PREX2: variants seen among roughly 807,000 people sequenced by gnomAD.
The protein encoded by PREX2 is phosphatidylinositol-3,4,5-trisphosphate dependent Rac exchange factor 2.
In PREX2, 107 loss-of-function variants were observed where a neutral mutation model predicts 203.2. That is an observed-to-expected ratio of 0.53 (90% confidence interval 0.45 to 0.62). The LOEUF (loss-of-function observed/expected upper bound fraction) is 0.62. Ranked by LOEUF, PREX2 falls within the 20% of genes least tolerant of loss-of-function variation. PREX2 has a pLI of 0.00. For missense variants in PREX2, 1,777 were observed against 1,955.9 expected (o/e 0.91, Z 1.72); for synonymous variants, 672 against 663.6 (o/e 1.01, Z -0.19).
At chr8:68,025,394 A>G (rs184098118) in intron 4 of PREX2, among the ~76,000 whole-genome samples, 1 of 151,836 alleles carries the variant, frequency 6.6e-6, no homozygotes, top group Non-Finnish European at 1.5e-5. Flanking sequence ...GTTATACTTT[A>G]TATGATGGGT....
chr8:68,228,765 C>CTAAATAAATAAATAAA (rs59480721), intron 39 of PREX2, among the ~76,000 whole-genome samples: 1 of 140,604 alleles, frequency 7.1e-6, no homozygotes, highest in Admixed American at 7.2e-5. Flanking sequence ...GACTCCGTCT[C>CTAAATAAATAAATAAA]TAAATAAATA....
intron 15 of PREX2, among the ~76,000 whole-genome samples, chr8:68,078,376 T>C (rs1266135898): frequency 6.6e-6 from 1 of 152,188 alleles, no homozygotes; most frequent in East Asian, 1.9e-4. Context: ...CAAGCTAGGC[T>C]GATCTCGAAC....
chr8:68,052,553 A>T (rs1300641578), intron 8 of PREX2, among the ~76,000 whole-genome samples: 2 of 152,210 alleles, frequency 1.3e-5, no homozygotes, highest in African/African-American at 4.8e-5. Flanking sequence ...ATCTACGATG[A>T]TAATGCTTTG....
intron 31 of PREX2, among the ~76,000 whole-genome samples, chr8:68,131,668 A>T (rs918413760): frequency 6.6e-6 from 1 of 152,222 alleles, no homozygotes; most frequent in Non-Finnish European, 1.5e-5. Flanking sequence ...AGCAGAGTAT[A>T]GAATAAACAT....
intron 1 of PREX2, among the ~76,000 whole-genome samples, chr8:67,972,275 A>G (rs1805947715): frequency 6.6e-6 from 1 of 152,228 alleles, no homozygotes; most frequent in African/African-American, 2.4e-5. Context: ...TTACCTCTAC[A>G]TATGAGTAAG....
At chr8:68,099,912 A>G (rs750164627) in intron 23 of PREX2, 69 bp downstream of exon 23, 3 of 1,302,526 alleles carry the variant, frequency 2.3e-6, no homozygotes. Context: ...ATTTAAATCA[A>G]TTTTTGATAT....
chr8:68,228,658 C>T (rs1015102723), intron 39 of PREX2, among the ~76,000 whole-genome samples: 1 of 151,766 alleles, frequency 6.6e-6, no homozygotes, highest in African/African-American at 2.4e-5. Flanking sequence ...CCCAGCTACT[C>T]GGGAGGCTGA....
At chr8:67,981,267 G>A (rs1227167282) in intron 1 of PREX2, among the ~76,000 whole-genome samples, 1 of 152,130 alleles carries the variant, frequency 6.6e-6, no homozygotes, top group African/African-American at 2.4e-5. Flanking sequence ...TGATAGCACT[G>A]CTCCACACTC....
At chr8:68,207,041 GTTC>G (rs1485311328) in intron 37 of PREX2, among the ~76,000 whole-genome samples, 1 of 152,120 alleles carries the variant, frequency 6.6e-6, no homozygotes, top group African/African-American at 2.4e-5. Context: ...TTTCAAAAAT[GTTC>G]TTCTGGCTTA....
chr8:67,993,483 C>T (rs1028077411), intron 1 of PREX2, among the ~76,000 whole-genome samples: 13 of 151,226 alleles, frequency 8.6e-5, no homozygotes, highest in Non-Finnish European at 1.8e-4. Flanking sequence ...GTCAGCTCAC[C>T]ACAACCTCCG....
At chr8:68,222,657 A>G (rs908320839) in intron 38 of PREX2, among the ~76,000 whole-genome samples, 5 of 138,126 alleles carry the variant, frequency 3.6e-5, no homozygotes, top group Non-Finnish European at 8.1e-5. Context: ...TTGAAGAGAA[A>G]CAGGATATTG....
chr8:68,024,974 T>C (rs1025426396), intron 4 of PREX2, among the ~76,000 whole-genome samples: 10 of 152,006 alleles, frequency 6.6e-5, no homozygotes, highest in Non-Finnish European at 1.3e-4. Flanking sequence ...TGTGCTATTA[T>C]TGCCATATAT....
chr8:68,112,377 G>C (rs11993216), intron 25 of PREX2, among the ~76,000 whole-genome samples: 1 of 152,252 alleles, frequency 6.6e-6, no homozygotes, highest in Non-Finnish European at 1.5e-5. Context: ...AAGGGGACTG[G>C]TAGACATAGG....
intron 6 of PREX2, among the ~76,000 whole-genome samples, chr8:68,037,582 G>C (rs754541016): frequency 2.0e-5 from 3 of 152,124 alleles, no homozygotes; most frequent in Non-Finnish European, 2.9e-5. Flanking sequence ...TGATGGGCAT[G>C]CTATAAACAC....
chr8:68,164,563 T>C (rs1563571578), intron 35 of PREX2, among the ~76,000 whole-genome samples: 1 of 150,004 alleles, frequency 6.7e-6, no homozygotes, highest in Non-Finnish European at 1.5e-5. Flanking sequence ...CTGGCTTTTT[T>C]TTCTTTCTTT....
intron 34 of PREX2, among the ~76,000 whole-genome samples, chr8:68,152,289 G>GAAAAAAAAAAAAAAAAA (rs573525316): frequency 1.4e-5 from 1 of 72,920 alleles, no homozygotes; most frequent in Non-Finnish European, 2.4e-5. Context: ...CCCTCTCAGA[G>GAAAAAAAAAAAAAAAAA]AAAAAAAAAA....
At chr8:68,073,990 C>T (rs374135865) in intron 14 of PREX2, among the ~76,000 whole-genome samples, 36 of 150,538 alleles carry the variant, frequency 2.4e-4, no homozygotes, top group African/African-American at 7.6e-4. Context: ...TTTTTTTAGA[C>T]GAGTCTCACT....
chr8:68,110,957 A>G (rs1414254094), intron 25 of PREX2: 1 of 432,570 alleles, frequency 2.3e-6, no homozygotes, highest in Non-Finnish European at 4.6e-6. Flanking sequence ...CAAGATTGCT[A>G]AGAGAAAAGG....
At chr8:68,225,948 A>G (rs1813048945) in intron 39 of PREX2, among the ~76,000 whole-genome samples, 5 of 152,218 alleles carry the variant, frequency 3.3e-5, no homozygotes, top group Admixed American at 2.0e-4. Context: ...ACTAATAAAC[A>G]GTGGGGTGGG....
Sources: gnomAD v4.1 joint callset for allele counts (sites outside exome capture counted in the v4.1 genomes callset) on GRCh38, gnomAD v4.1.1 for gene constraint, MANE v1.5 for transcripts, NCBI Gene and HGNC (gene_info 2026-07-23, HGNC 2026-07-21) for gene names.